Variants in FHIT observed in about 807,000 individuals in gnomAD.
FHIT encodes fragile histidine triad diadenosine triphosphatase.
FHIT carries 19 observed loss-of-function variants against 17.9 expected under a neutral mutation model. The ratio of observed to expected loss-of-function variants is 1.06; its 90% CI spans 0.74 to 1.56. The LOEUF is 1.56. Ranked by LOEUF, FHIT falls within the 40% of genes most tolerant of loss-of-function variation. The pLI, the probability that FHIT is intolerant of heterozygous loss-of-function variation, is 0.00. For synonymous variants in FHIT, 81 were observed against 69.7 expected, an observed-to-expected ratio of 1.16 and a Z score of -0.81; for missense variants, 248 against 189.2, an observed-to-expected ratio of 1.31 and a Z score of -1.82.
chr3:60,221,195 A>T (rs1421390939), intron 5 of FHIT, among the ~76,000 whole-genome samples: 1 of 152,200 alleles, frequency 6.6e-6, no homozygotes, highest in Non-Finnish European at 1.5e-5. Context: ...AGTAACTGCT[A>T]TGTCTAGTTT....
At chr3:60,206,198 G>C (rs1443790212) in intron 5 of FHIT, among the ~76,000 whole-genome samples, 1 of 146,802 alleles carries the variant, frequency 6.8e-6, no homozygotes, top group African/African-American at 2.5e-5. Context: ...ATGAGCCCAG[G>C]TAGATGATCT....
At chr3:60,227,654 ACT>A (rs1375416907) in intron 5 of FHIT, among the ~76,000 whole-genome samples, 1 of 152,194 alleles carries the variant, frequency 6.6e-6, no homozygotes, top group Non-Finnish European at 1.5e-5. Context: ...ATCATGGATC[ACT>A]GTTTAAAAAT....
chr3:59,878,165 G>A (rs1322858826), intron 8 of FHIT, among the ~76,000 whole-genome samples: 1 of 151,918 alleles, frequency 6.6e-6, no homozygotes, highest in Non-Finnish European at 1.5e-5. Context: ...GATTGTACTT[G>A]GCATATTTCC....
intron 5 of FHIT, among the ~76,000 whole-genome samples, chr3:60,492,522 T>G (rs1041323503): frequency 6.6e-6 from 1 of 151,972 alleles, no homozygotes; most frequent in Admixed American, 6.5e-5. Flanking sequence ...TTTTTTTTTT[T>G]TTGAGATGGA....
At chr3:61,209,525 A>AT (rs147029808) in intron 1 of FHIT, among the ~76,000 whole-genome samples, 65,497 of 151,196 alleles carry the variant, frequency 0.43, 14,559 homozygotes, top group East Asian at 0.58. Flanking sequence ...TCTTTTTATT[A>AT]TTTTTTTTCT....
intron 5 of FHIT, among the ~76,000 whole-genome samples, chr3:60,197,303 T>TA (rs1007943221): frequency 8.0e-5 from 12 of 150,594 alleles, no homozygotes; most frequent in African/African-American, 1.5e-4. Flanking sequence ...TTCATAGCAT[T>TA]AAAAAAAAAG....
intron 1 of FHIT, among the ~76,000 whole-genome samples, chr3:61,250,298 T>G (rs1352814286): frequency 6.6e-6 from 1 of 152,226 alleles, no homozygotes; most frequent in Non-Finnish European, 1.5e-5. Flanking sequence ...TAGATCCGGC[T>G]TAACATCAGG....
chr3:60,080,645 G>A (rs1703238714), intron 5 of FHIT: 1 of 151,872 alleles, frequency 6.6e-6, no homozygotes, highest in Admixed American at 6.6e-5. Context: ...GAAATTGCCA[G>A]TCTGTCTGAG....
At chr3:61,053,562 G>T (rs2034106165) in intron 2 of FHIT, among the ~76,000 whole-genome samples, 1 of 152,068 alleles carries the variant, frequency 6.6e-6, no homozygotes, top group South Asian at 2.1e-4. Flanking sequence ...AGAGGCTGAG[G>T]CAGGAGAATC....
At chr3:60,678,152 A>ATTTTAT (rs1270180771) in intron 4 of FHIT, among the ~76,000 whole-genome samples, 1 of 151,808 alleles carries the variant, frequency 6.6e-6, no homozygotes, top group Non-Finnish European at 1.5e-5. Context: ...TTTCATTTTC[A>ATTTTAT]TTTTATTTTT....
chr3:60,682,846 A>G (rs1449256195), intron 4 of FHIT, among the ~76,000 whole-genome samples: 1 of 152,328 alleles, frequency 6.6e-6, no homozygotes, highest in Non-Finnish European at 1.5e-5. Flanking sequence ...AACCTTCTGG[A>G]AAGGATTCAC....
chr3:60,302,624 C>G (rs1239458936), intron 5 of FHIT, among the ~76,000 whole-genome samples: 3 of 152,116 alleles, frequency 2.0e-5, no homozygotes, highest in African/African-American at 7.2e-5. Flanking sequence ...CTTTGCAGAA[C>G]TTTGAAATGT....
At chr3:59,878,542 A>G (rs1184325839) in intron 8 of FHIT, among the ~76,000 whole-genome samples, 1 of 152,216 alleles carries the variant, frequency 6.6e-6, no homozygotes, top group African/African-American at 2.4e-5. Flanking sequence ...TGCTGACCCC[A>G]AAGTGGGATT....
intron 5 of FHIT, among the ~76,000 whole-genome samples, chr3:60,398,005 G>A (rs1701517423): frequency 6.6e-6 from 1 of 152,050 alleles, no homozygotes; most frequent in Admixed American, 6.5e-5. Context: ...TTTCGGGTAG[G>A]GGAACCGCTC....
intron 5 of FHIT, among the ~76,000 whole-genome samples, chr3:60,033,266 C>T (rs912525266): frequency 2.0e-5 from 3 of 151,982 alleles, no homozygotes; most frequent in Admixed American, 6.5e-5. Context: ...GAGGCTGAGG[C>T]GGGGGGATCA....
At chr3:60,020,483 T>C (rs999113631) in intron 5 of FHIT, among the ~76,000 whole-genome samples, 3 of 152,230 alleles carry the variant, frequency 2.0e-5, no homozygotes, top group Non-Finnish European at 4.4e-5. Flanking sequence ...TGATTTTGAT[T>C]AGGCTGATTA....
intron 5 of FHIT, among the ~76,000 whole-genome samples, chr3:60,112,454 A>G (rs1471799053): frequency 6.6e-6 from 1 of 152,084 alleles, no homozygotes; most frequent in African/African-American, 2.4e-5. Context: ...TGCCATCCCA[A>G]CCATTTCGTA....
intron 8 of FHIT, among the ~76,000 whole-genome samples, chr3:59,834,422 G>T (rs1034429796): frequency 1.3e-5 from 2 of 152,152 alleles, no homozygotes; most frequent in African/African-American, 4.8e-5. Context: ...GATAGAGAGA[G>T]AGAGACAGAG....
intron 5 of FHIT, among the ~76,000 whole-genome samples, chr3:60,491,413 C>T (rs2034060837): frequency 6.7e-6 from 1 of 149,460 alleles, no homozygotes; most frequent in South Asian, 2.1e-4. Flanking sequence ...TAATTGTAAA[C>T]TGGGTGAAAA....
Sources: allele counts gnomAD v4.1 joint callset (sites outside exome capture counted in the v4.1 genomes callset), GRCh38; gene constraint gnomAD v4.1.1; transcripts MANE v1.5; gene names NCBI Gene and HGNC (gene_info 2026-07-23, HGNC 2026-07-21).